UTRN: variants seen among roughly 807,000 people sequenced by gnomAD.
UTRN encodes the protein utrophin.
A neutral mutation model predicts 463.9 loss-of-function variants in UTRN; 283 were observed. The ratio of observed to expected loss-of-function variants is 0.61; its 90% CI spans 0.55 to 0.67. UTRN has a LOEUF of 0.67. UTRN is among the 30% of genes least tolerant of loss of function. UTRN has a pLI of 0.00. For missense variants in UTRN, 3,922 were observed against 4,084.3 expected (o/e 0.96, Z 1.08); for synonymous variants, 1,442 against 1,431.5 (o/e 1.01, Z -0.17).
chr6:144,532,166 T>G (rs1797118637), intron 42 of UTRN, among the ~76,000 whole-genome samples: 1 of 149,474 alleles, frequency 6.7e-6, no homozygotes, highest in East Asian at 2.0e-4. Context: ...ATAAATGTGT[T>G]AATGCATTTT....
chr6:144,689,885 G>A (rs1211013438), intron 52 of UTRN, among the ~76,000 whole-genome samples: 1 of 151,946 alleles, frequency 6.6e-6, no homozygotes, highest in Non-Finnish European at 1.5e-5. Context: ...CCTTCCTGGT[G>A]TGGTGTTATT....
intron 52 of UTRN, among the ~76,000 whole-genome samples, chr6:144,682,525 T>C (rs1345498667): frequency 6.6e-6 from 1 of 152,178 alleles, no homozygotes; most frequent in African/African-American, 2.4e-5. Flanking sequence ...GATCATATGG[T>C]AGCCCTATTT....
chr6:144,353,597 C>G (rs890667542), intron 2 of UTRN, among the ~76,000 whole-genome samples: 4 of 152,130 alleles, frequency 2.6e-5, no homozygotes, highest in Non-Finnish European at 5.9e-5. Flanking sequence ...ATGTTTCTGT[C>G]AGCTTCAACT....
intron 3 of UTRN, among the ~76,000 whole-genome samples, chr6:144,405,824 G>A (rs1584644663): frequency 6.6e-6 from 1 of 152,204 alleles, no homozygotes; most frequent in Non-Finnish European, 1.5e-5. Context: ...ACTCTATGTA[G>A]AGTGACACGT....
intron 2 of UTRN, among the ~76,000 whole-genome samples, chr6:144,356,970 TAA>T (rs1240250240): frequency 1.3e-5 from 2 of 151,942 alleles, no homozygotes; most frequent in East Asian, 3.9e-4. Context: ...GCATAAAAAA[TAA>T]AGTTACATTT....
chr6:144,599,473 A>G (rs1454304349), intron 51 of UTRN, among the ~76,000 whole-genome samples: 5 of 152,074 alleles, frequency 3.3e-5, no homozygotes, highest in Non-Finnish European at 1.5e-5. Context: ...TGTTTTTTTT[A>G]AATCTCTAAG....
At chr6:144,562,279 G>T (rs11155357) in intron 50 of UTRN, among the ~76,000 whole-genome samples, 31,499 of 151,986 alleles carry the variant, frequency 0.21, 3,407 homozygotes, top group Middle Eastern at 0.28. Flanking sequence ...AAATGTGGTG[G>T]TTTGCTGCAT....
At chr6:144,310,330 A>G (rs1806131515) in intron 2 of UTRN, among the ~76,000 whole-genome samples, 1 of 152,050 alleles carries the variant, frequency 6.6e-6, no homozygotes, top group South Asian at 2.1e-4. Context: ...TGAGGTTGGG[A>G]GTTGGAGACC....
intron 41 of UTRN, among the ~76,000 whole-genome samples, chr6:144,530,512 T>G (rs1347053315): frequency 6.6e-6 from 1 of 152,180 alleles, no homozygotes; most frequent in African/African-American, 2.4e-5. Context: ...TTTGAAGTGT[T>G]TTGGCCTTTT....
intron 24 of UTRN, 102 bp downstream of exon 24, chr6:144,473,935 T>C (rs1236017522): frequency 1.5e-6 from 1 of 671,862 alleles, no homozygotes; most frequent in Non-Finnish European, 2.4e-6. Context: ...AGCATAGCAT[T>C]ACATCTAGAT....
intron 32 of UTRN, among the ~76,000 whole-genome samples, chr6:144,492,315 G>T (rs1793146515): frequency 1.3e-5 from 2 of 152,112 alleles, no homozygotes; most frequent in Non-Finnish European, 2.9e-5. Flanking sequence ...TAGGATAATG[G>T]CCTTGAGCTG....
At chr6:144,493,721 G>C (rs868696413) in intron 33 of UTRN, among the ~76,000 whole-genome samples, 2 of 152,156 alleles carry the variant, frequency 1.3e-5, no homozygotes, top group South Asian at 2.1e-4. Flanking sequence ...TGTAATCCCA[G>C]GTCTTTGGGA....
Position 144,494,272 on chromosome 6 carries a change from G to T in UTRN, c.4593+816G>T, listed in dbSNP as rs193192799. Among the ~76,000 whole-genome samples, 3 of 152,208 alleles carry T rather than the reference G, an allele frequency of 2.0e-5. No homozygotes were observed. In the East Asian group the frequency reaches 5.8e-4, roughly 29 times the overall value. ...GTGCTTGGAGTTTCTTCCTTCTGGTGGGTTCATGGTCTTCCTGGCTCAGGA... is the reference window on the plus strand; with the variant it reads ...GTGCTTGGAGTTTCTTCCTTCTGGTTGGTTCATGGTCTTCCTGGCTCAGGA... On this transcript the variant is annotated intron_variant, in intron 33 of 74. Transcript: ENST00000367545.
At chr6:144,528,890 G>T (rs1483745702) in intron 41 of UTRN, among the ~76,000 whole-genome samples, 1 of 152,236 alleles carries the variant, frequency 6.6e-6, no homozygotes, top group African/African-American at 2.4e-5. Flanking sequence ...TTTGTCTTTG[G>T]CTACTGGGGC....
At chr6:144,465,040 G>A (rs1231558899) in intron 23 of UTRN, among the ~76,000 whole-genome samples, 1 of 152,140 alleles carries the variant, frequency 6.6e-6, no homozygotes, top group Non-Finnish European at 1.5e-5. Flanking sequence ...AGAGGCCAGG[G>A]ATGCAGCTAA....
intron 33 of UTRN, among the ~76,000 whole-genome samples, chr6:144,496,535 A>T (rs1307654604): frequency 6.6e-6 from 1 of 152,196 alleles, no homozygotes; most frequent in African/African-American, 2.4e-5. Flanking sequence ...TAATTCTCCA[A>T]TTGTGACTAT....
chr6:144,755,442 G>A (rs943641083), intron 57 of UTRN, among the ~76,000 whole-genome samples: 1 of 151,982 alleles, frequency 6.6e-6, no homozygotes, highest in Non-Finnish European at 1.5e-5. Flanking sequence ...AAAGAATGTC[G>A]GATTTATAGT....
intron 65 of UTRN, among the ~76,000 whole-genome samples, chr6:144,807,205 T>G (rs1016820762): frequency 2.0e-5 from 3 of 152,126 alleles, no homozygotes; most frequent in African/African-American, 7.2e-5. Context: ...CAGCTGACTC[T>G]GAATGTTTCT....
intron 34 of UTRN, among the ~76,000 whole-genome samples, chr6:144,504,985 T>C (rs1206199101): frequency 6.6e-6 from 1 of 152,210 alleles, no homozygotes; most frequent in Non-Finnish European, 1.5e-5. Context: ...GGTTTAGTCT[T>C]ATGAGGGTGT....
Sources: gnomAD v4.1 joint callset for allele counts (sites outside exome capture counted in the v4.1 genomes callset) on GRCh38, gnomAD v4.1.1 for gene constraint, MANE v1.5 for transcripts, NCBI Gene and HGNC (gene_info 2026-07-23, HGNC 2026-07-21) for gene names.